The following ROBO1 variants were observed in gnomAD, a reference collection of about 807,000 sequenced individuals.
ROBO1 encodes roundabout guidance receptor 1.
Under a neutral mutation model 195.9 loss-of-function variants are expected in ROBO1, and 149 were observed. That is an observed-to-expected ratio of 0.76 (90% CI 0.67 to 0.87). ROBO1 has a LOEUF of 0.87. Among genes scored for constraint, ROBO1 ranks in the 40% least tolerant of loss-of-function variants. ROBO1 has a pLI of 0.00. For synonymous variants in ROBO1, 816 were observed against 733.2 expected (o/e 1.11, Z -1.82); for missense variants, 1,933 against 2,068.3 (o/e 0.93, Z 1.27).
chr3:78,674,533 C>T (rs1049278702), intron 10 of ROBO1, among the ~76,000 whole-genome samples: 2 of 152,126 alleles, frequency 1.3e-5, no homozygotes, highest in Admixed American at 1.3e-4. Context: ...ACTTAAAAAA[C>T]AGTGCCAAAA....
intron 2 of ROBO1, among the ~76,000 whole-genome samples, chr3:79,559,562 C>T (rs1444979477): frequency 6.6e-6 from 1 of 152,184 alleles, no homozygotes; most frequent in African/African-American, 2.4e-5. Flanking sequence ...AAAGTGTAAG[C>T]ACCTATGCCT....
At chr3:79,589,250 G>A (rs1943922077) in intron 2 of ROBO1, among the ~76,000 whole-genome samples, 2 of 151,576 alleles carry the variant, frequency 1.3e-5, no homozygotes, top group Admixed American at 1.3e-4. Context: ...TATAAGTAAA[G>A]CATTTTAAAG....
chr3:79,513,504 G>A (rs1016087215), intron 2 of ROBO1, among the ~76,000 whole-genome samples: 1 of 151,328 alleles, frequency 6.6e-6, no homozygotes, highest in Non-Finnish European at 1.5e-5. Context: ...TTCTTCTCAT[G>A]AAAGTTCCCT....
chr3:78,717,199 C>T lies in ROBO1; in HGVS notation c.917+76G>A, dbSNP rs181866007. 68 of 1,436,700 alleles carry T rather than the reference C, an allele frequency of 4.7e-5. No individual in the cohort carries two copies. In the East Asian group the frequency reaches 7.2e-4, roughly 15 times the overall value. The allele number at this position is 1,436,700 out of a possible 1,614,324, so 89.0% of individuals were successfully genotyped here. A position where few individuals can be genotyped will look rare whatever the true frequency, so the allele number is the denominator to read the frequency against. On this transcript the variant is annotated intron_variant, in intron 7 of 30. Coordinates refer to ENST00000464233, the MANE Select transcript of ROBO1 (RefSeq NM_002941.4). ...TCTAGAATGGACTATTCTAATGGCC[C>T]GGATGTGGAGATGATGTGATGAGAA...
At chr3:79,592,841 G>A (rs1017651728) in intron 1 of ROBO1, among the ~76,000 whole-genome samples, 1 of 151,992 alleles carries the variant, frequency 6.6e-6, no homozygotes, top group African/African-American at 2.4e-5. Flanking sequence ...AAACATCATA[G>A]TATCATACAG....
chr3:78,799,126 C>T (rs1407466493), intron 4 of ROBO1, among the ~76,000 whole-genome samples: 1 of 152,106 alleles, frequency 6.6e-6, no homozygotes, highest in Non-Finnish European at 1.5e-5. Flanking sequence ...CAAATTCGCA[C>T]AGCTTTTCTT....
intron 3 of ROBO1, among the ~76,000 whole-genome samples, chr3:78,947,441 C>T (rs867872565): frequency 1.7e-4 from 26 of 151,962 alleles, no homozygotes; most frequent in Non-Finnish European, 2.9e-4. Flanking sequence ...AATAATGAAA[C>T]GAAGGCAGAA....
chr3:78,646,223 A>C (rs773819097), intron 20 of ROBO1, 33 bp from the exon 21 acceptor site: 1 of 1,581,154 alleles, frequency 6.3e-7, no homozygotes, highest in Non-Finnish European at 8.7e-7. Flanking sequence ...AGGAACAATT[A>C]ATAGACATAT....
intron 2 of ROBO1, among the ~76,000 whole-genome samples, chr3:79,226,363 A>C (rs1004442958): frequency 2.0e-4 from 30 of 152,148 alleles, no homozygotes; most frequent in African/African-American, 7.2e-4. Context: ...AACACTGTTC[A>C]TTTGACAGAG....
chr3:78,861,536 T>A (rs773557551), intron 4 of ROBO1, among the ~76,000 whole-genome samples: 12 of 152,142 alleles, frequency 7.9e-5, no homozygotes, highest in Non-Finnish European at 1.2e-4. Flanking sequence ...TTATACAAAT[T>A]CCCATTTTCA....
chr3:79,724,293 A>G (rs1301535937), intron 1 of ROBO1, among the ~76,000 whole-genome samples: 1 of 152,212 alleles, frequency 6.6e-6, no homozygotes, highest in Admixed American at 6.5e-5. Flanking sequence ...TAGTCAATTA[A>G]GAAACTCGAA....
At chr3:79,766,241 A>C (rs1704981958) in intron 1 of ROBO1, among the ~76,000 whole-genome samples, 1 of 151,752 alleles carries the variant, frequency 6.6e-6, no homozygotes, top group African/African-American at 2.4e-5. Context: ...CATTGACCAT[A>C]ATTGCCCTAA....
chr3:79,725,931 A>T (rs1560135015), intron 1 of ROBO1, among the ~76,000 whole-genome samples: 1 of 151,242 alleles, frequency 6.6e-6, no homozygotes, highest in Non-Finnish European at 1.5e-5. Context: ...CTTAAAAAAA[A>T]AAGTATATCT....
chr3:79,300,724 A>G (rs920988199), intron 2 of ROBO1, among the ~76,000 whole-genome samples: 30 of 152,256 alleles, frequency 2.0e-4, no homozygotes, highest in African/African-American at 6.7e-4. Context: ...TAGCTCAGGG[A>G]TTGTAAATAC....
At chr3:78,857,508 G>C (rs1291468310) in intron 4 of ROBO1, among the ~76,000 whole-genome samples, 3 of 152,122 alleles carry the variant, frequency 2.0e-5, no homozygotes, top group Non-Finnish European at 2.9e-5. Context: ...TCCTGTTTTA[G>C]ATATGAGAAA....
At position 79,761,711 on chromosome 3, in the gene ROBO1, T is replaced by A. The variant is rs140081830; in HGVS notation, c.-51+6041A>T. On this transcript the variant is annotated intron_variant, in intron 1 of 30. Transcript: ENST00000464233. ...ACTTCAGTAAGAGTGACTCATGTGA[T>A]CTAATTTACTATACTCTAAGCAAAT... 5.5e-3 allele frequency among the ~76,000 whole-genome samples: 836 copies of A among 152,302 alleles called. 7 individuals are homozygous for A. Among genetic ancestry groups the A allele is most frequent in the Middle Eastern group, 0.034 (10 of 294 alleles).
At chr3:78,793,731 A>G (rs1249451680) in intron 4 of ROBO1, among the ~76,000 whole-genome samples, 2 of 152,164 alleles carry the variant, frequency 1.3e-5, no homozygotes, top group South Asian at 2.1e-4. Context: ...GGAGAAGTAG[A>G]AACTGAAAAT....
chr3:79,578,892 C>T (rs1430174459), intron 2 of ROBO1, among the ~76,000 whole-genome samples: 9 of 152,148 alleles, frequency 5.9e-5, no homozygotes, highest in East Asian at 1.9e-4. Context: ...ATGTTTGCCA[C>T]GTTTGTGGCT....
rs147468236 is a variant in ROBO1 at position 78,860,518 on chromosome 3, T to C, written c.499+78083A>G. 2.1e-3 allele frequency among the ~76,000 whole-genome samples: 319 copies of C among 151,570 alleles called. 1 individual carries two copies. Among genetic ancestry groups the C allele is most frequent in the Middle Eastern group, 0.017 (5 of 292 alleles). On this transcript the variant is annotated intron_variant, in intron 4 of 30. Transcript: ENST00000464233. The stretch of plus-strand genomic sequence containing the variant: ...ACTAAGAGAGATGACCAAAACAAAA[T>C]CATCATAATAATACAAGGATAGAAG...
Sources: allele counts gnomAD v4.1 joint callset (sites outside exome capture counted in the v4.1 genomes callset), GRCh38; gene constraint gnomAD v4.1.1; transcripts MANE v1.5; gene names NCBI Gene and HGNC (gene_info 2026-07-23, HGNC 2026-07-21).